Variants in NYAP2 observed in about 807,000 individuals in gnomAD.
NYAP2 encodes neuronal tyrosine-phosphorylated phosphoinositide-3-kinase adapter 2.
NYAP2 carries 23 observed loss-of-function variants against 50.4 expected under a neutral mutation model. The observed-to-expected ratio is 0.46, with a 90% CI of 0.33 to 0.65. The LOEUF (loss-of-function observed/expected upper bound fraction) is 0.65. NYAP2 is among the 30% of genes least tolerant of loss of function. The pLI is 0.02. For synonymous variants in NYAP2, 394 were observed against 365.2 expected (o/e 1.08, Z -0.90); for missense variants, 885 against 861.0 (o/e 1.03, Z -0.35).
chr2:225,664,551 A>C, the NYAP2 span, among the ~76,000 whole-genome samples: 1 of 152,088 alleles, frequency 6.6e-6, no homozygotes, highest in Non-Finnish European at 1.5e-5. Flanking sequence ...CTTACTGAGG[A>C]TGAGAGAGAA....
At chr2:225,459,876 T>C (rs556256732) in intron 3 of NYAP2, among the ~76,000 whole-genome samples, 32 of 152,234 alleles carry the variant, frequency 2.1e-4, no homozygotes, top group Admixed American at 1.9e-3. Flanking sequence ...GGTTTCACCG[T>C]GTTAGCCCGG....
intron 4 of NYAP2, among the ~76,000 whole-genome samples, chr2:225,555,699 T>C (rs1691764073): frequency 6.6e-6 from 1 of 152,134 alleles, no homozygotes. Context: ...CTAAGCCCGA[T>C]TAGCTCTCCT....
intron 3 of NYAP2, among the ~76,000 whole-genome samples, chr2:225,502,526 TG>T (rs550786814): frequency 2.4e-4 from 37 of 152,374 alleles, no homozygotes; most frequent in African/African-American, 6.7e-4. Context: ...GTTGTGCCTT[TG>T]GGCCAAACAC....
chr2:225,479,211 A>C (rs1158469139), intron 3 of NYAP2, among the ~76,000 whole-genome samples: 2 of 152,190 alleles, frequency 1.3e-5, no homozygotes, highest in Non-Finnish European at 2.9e-5. Context: ...TCTACTCTTC[A>C]GCCAGAAGAA....
chr2:225,463,274 A>C (rs1056041249), intron 3 of NYAP2, among the ~76,000 whole-genome samples: 1 of 152,260 alleles, frequency 6.6e-6, no homozygotes, highest in Non-Finnish European at 1.5e-5. Flanking sequence ...AGACAAGCCC[A>C]GTTTTATCTG....
chr2:225,666,375 G>A, the NYAP2 span, among the ~76,000 whole-genome samples: 26 of 152,170 alleles, frequency 1.7e-4, no homozygotes, highest in African/African-American at 6.3e-4. Context: ...GAGTGACCAT[G>A]ACCTGTGACA....
At chr2:225,596,506 T>G (rs1692601151) in intron 5 of NYAP2, among the ~76,000 whole-genome samples, 1 of 152,206 alleles carries the variant, frequency 6.6e-6, no homozygotes, top group Admixed American at 6.5e-5. Flanking sequence ...TGGTAAGTTT[T>G]TGAGGGCAGG....
chr2:225,440,230 A>C (rs969308215), intron 3 of NYAP2, among the ~76,000 whole-genome samples: 1 of 152,240 alleles, frequency 6.6e-6, no homozygotes, highest in Non-Finnish European at 1.5e-5. Flanking sequence ...TTTTGCAGGC[A>C]TGGAGATGCT....
intron 3 of NYAP2, among the ~76,000 whole-genome samples, chr2:225,474,569 G>A (rs188366655): frequency 1.3e-5 from 2 of 152,242 alleles, no homozygotes; most frequent in East Asian, 3.9e-4. Context: ...TCTCTTTGAA[G>A]CAATTGTGAA....
At chr2:225,621,670 G>A (rs1192019664) in intron 5 of NYAP2, among the ~76,000 whole-genome samples, 2 of 151,126 alleles carry the variant, frequency 1.3e-5, no homozygotes, top group African/African-American at 4.9e-5. Context: ...GATTAAAATA[G>A]TACTTTTATA....
At chr2:225,682,206 A>T in the NYAP2 span, among the ~76,000 whole-genome samples, 1 of 152,196 alleles carries the variant, frequency 6.6e-6, no homozygotes, top group African/African-American at 2.4e-5. Context: ...CAAGAAAAAT[A>T]AGAATTGTTA....
At chr2:225,569,419 T>C (rs574505497) in intron 4 of NYAP2, among the ~76,000 whole-genome samples, 2 of 151,608 alleles carry the variant, frequency 1.3e-5, no homozygotes, top group East Asian at 3.9e-4. Flanking sequence ...AGAGAGGGGA[T>C]TGAGAGAAAG....
chr2:225,640,193 T>C (rs535769370), intron 6 of NYAP2, among the ~76,000 whole-genome samples: 2 of 152,344 alleles, frequency 1.3e-5, no homozygotes, highest in South Asian at 4.1e-4. Flanking sequence ...ACCTGCCTTA[T>C]AAATCCGAAG....
the NYAP2 span, among the ~76,000 whole-genome samples, chr2:225,696,945 G>T: frequency 2.6e-5 from 4 of 151,940 alleles, no homozygotes; most frequent in African/African-American, 4.8e-5. Flanking sequence ...TACTTAGAAT[G>T]AAATCTGCTA....
At chr2:225,421,952 G>GT (rs990147029) in intron 3 of NYAP2, among the ~76,000 whole-genome samples, 2 of 151,746 alleles carry the variant, frequency 1.3e-5, no homozygotes, top group South Asian at 2.1e-4. Flanking sequence ...TTCTTGATTT[G>GT]TTTTTTTCTT....
chr2:225,566,888 C>T (rs1691970768), intron 4 of NYAP2, among the ~76,000 whole-genome samples: 1 of 152,022 alleles, frequency 6.6e-6, no homozygotes, highest in African/African-American at 2.4e-5. Flanking sequence ...ACTCATAGAT[C>T]TCTCGGTTTG....
At chr2:225,552,737 C>A (rs1288248761) in intron 4 of NYAP2, among the ~76,000 whole-genome samples, 1 of 152,200 alleles carries the variant, frequency 6.6e-6, no homozygotes, top group East Asian at 1.9e-4. Flanking sequence ...GTTGCCCAGG[C>A]TGGAGTGCAG....
At chr2:225,430,716 T>C (rs1039403511) in intron 3 of NYAP2, among the ~76,000 whole-genome samples, 3 of 5,112 alleles carry the variant, frequency 5.9e-4, no homozygotes, top group African/African-American at 7.9e-3. Context: ...TAGAATGCTA[T>C]TTTTTTTTTA....
intron 6 of NYAP2, among the ~76,000 whole-genome samples, chr2:225,628,306 G>A (rs1466655606): frequency 1.4e-5 from 2 of 145,954 alleles, no homozygotes; most frequent in African/African-American, 5.0e-5. Flanking sequence ...GAAACATAGA[G>A]AACACATAGT....
Sources: gnomAD v4.1 joint callset for allele counts (sites outside exome capture counted in the v4.1 genomes callset) on GRCh38, gnomAD v4.1.1 for gene constraint, MANE v1.5 for transcripts, NCBI Gene and HGNC (gene_info 2026-07-23, HGNC 2026-07-21) for gene names.